TRIM54: variants seen among roughly 807,000 people sequenced by gnomAD.
TRIM54 encodes tripartite motif containing 54, also known as tripartite motif-containing protein 54.
Under a neutral mutation model 42.0 loss-of-function variants are expected in TRIM54, and 40 were observed. The ratio of observed to expected loss-of-function variants is 0.95; its 90% CI spans 0.74 to 1.24. The LOEUF (loss-of-function observed/expected upper bound fraction) is 1.24. Among genes scored for constraint, TRIM54 ranks in the 50% most tolerant of loss-of-function variants. The probability of loss-of-function intolerance (pLI) is 0.00; values close to 1 mark genes in which losing one functional copy is unlikely to be tolerated. For missense variants in TRIM54, 485 were observed against 480.3 expected (o/e 1.01, Z -0.09); for synonymous variants, 199 against 194.9 (o/e 1.02, Z -0.17).
intron 2 of TRIM54, 32 bp from the exon 3 acceptor site, chr2:27,299,213 A>T: frequency 6.2e-7 from 1 of 1,610,818 alleles, no homozygotes; most frequent in Non-Finnish European, 8.5e-7. Context: ...TTCATGCTTA[A>T]GGTCCACCTC....
intron 1 of TRIM54, among the ~76,000 whole-genome samples, chr2:27,284,373 C>T (rs927901277): frequency 6.6e-6 from 1 of 152,150 alleles, no homozygotes; most frequent in South Asian, 2.1e-4. Context: ...CACAATGTAC[C>T]CTGTGACCCA....
chr2:27,303,961 C>A (rs1240575436), intron 3 of TRIM54, among the ~76,000 whole-genome samples: 1 of 152,110 alleles, frequency 6.6e-6, no homozygotes, highest in East Asian at 1.9e-4. Flanking sequence ...GCCGGTAATC[C>A]CGACACTTTG....
chr2:27,297,665 G>A (rs1678900511), intron 1 of TRIM54, among the ~76,000 whole-genome samples: 1 of 152,164 alleles, frequency 6.6e-6, no homozygotes, highest in African/African-American at 2.4e-5. Flanking sequence ...CTTTACAGAG[G>A]TTGAATACCT....
intron 1 of TRIM54, among the ~76,000 whole-genome samples, chr2:27,292,207 G>T (rs1425884285): frequency 1.3e-5 from 2 of 152,230 alleles, no homozygotes; most frequent in East Asian, 3.8e-4. Flanking sequence ...CCTGAAGTCA[G>T]TTCTGGCTGT....
Position 27,305,593 on chromosome 2 carries a change from C to T in TRIM54, c.619C>T (p.Arg207Trp), listed in dbSNP as rs369592686. ...GCTCCCCATCTTTTAGGACAATAGC[C>T]GGAGGCAGAAGCAGTTGTTAAACCA... The part of the protein sequence containing the change: ...EVCQTIEDNS[R>W]RQKQLLNQRF... Residue 207 changes from arginine to tryptophan, a missense_variant, in exon 5 of 9, where the codon CGG becomes TGG. Physicochemically the swap from Arg to Trp is moderately radical, Grantham distance 101. Transcript: ENST00000380075. 34 of 1,612,742 alleles carry T rather than the reference C, an allele frequency of 2.1e-5. No homozygotes were observed. The highest frequency in any genetic ancestry group is 4.5e-5 in the East Asian group (2 of 44,860).
At chr2:27,291,252 G>A (rs1384839474) in intron 1 of TRIM54, among the ~76,000 whole-genome samples, 3 of 152,088 alleles carry the variant, frequency 2.0e-5, no homozygotes, top group East Asian at 3.9e-4. Flanking sequence ...CTACTCAGGA[G>A]GCTGAGGCTG....
chr2:27,282,677 A>G lies in TRIM54; in HGVS notation c.-55A>G. ...GCCATCTAAGCGAGGAAGGGTCTACAGGCAGTGAGTGAAGGCCAGGAGCAG... is the reference window on the plus strand; with the variant it reads ...GCCATCTAAGCGAGGAAGGGTCTACGGGCAGTGAGTGAAGGCCAGGAGCAG... On this transcript the variant is annotated 5_prime_UTR_variant, in exon 1 of 9. Transcript: ENST00000380075. 4 of 1,562,114 alleles carry G rather than the reference A, an allele frequency of 2.6e-6. No individual in the cohort carries two copies. Among genetic ancestry groups the G allele is most frequent in the Non-Finnish European group, 3.5e-6 (4 of 1,157,014 alleles).
chr2:27,284,312 C>G (rs969822530), intron 1 of TRIM54, among the ~76,000 whole-genome samples: 7 of 152,108 alleles, frequency 4.6e-5, no homozygotes, highest in African/African-American at 1.4e-4. Flanking sequence ...TTTTAAGTTC[C>G]TTGGGGCAGC....
chr2:27,289,435 G>A (rs1334450740), intron 1 of TRIM54, among the ~76,000 whole-genome samples: 1 of 152,086 alleles, frequency 6.6e-6, no homozygotes, highest in Non-Finnish European at 1.5e-5. Flanking sequence ...TCCTGCCTCA[G>A]CCTCCCAAGT....
chr2:27,304,988 G>C lies in TRIM54; in HGVS notation c.543G>C (p.Leu181=), dbSNP rs1351179556. The change falls in exon 4 of 9, where the codon CTG becomes CTC. Residue 181 remains leucine, a synonymous_variant. Transcript: ENST00000380075. The part of the protein sequence containing the change: ...KSELSDGIAM[L]VAGNDRVQAV... ...AGCTCAGCGATGGCATCGCGATGCT[G>C]GTGGCAGGCAATGACCGCGTGCAAG... The C allele has an allele frequency of 8.7e-6, 14 of 1,614,156 alleles. No homozygotes were observed. The highest frequency in any genetic ancestry group is 1.7e-5 in the Admixed American group (1 of 60,018).
In TRIM54 at chr2:27,306,263, A is replaced by G; in HGVS notation, c.917A>G (p.Tyr306Cys). ...CTGGCAGGGCGGCCGGAGCCAGGCT[A>G]TGAGAGCATGGAGCAATTCACCGTA... ...VELAGRPEPG[Y>C]ESMEQFTVRV... Residue 306 changes from tyrosine (Y) to cysteine (C), a missense_variant, in exon 7 of 9, where the codon TAT becomes TGT. Coordinates refer to ENST00000380075, the MANE Select transcript of TRIM54 (RefSeq NM_187841.3). This position sits in a 1 kb window ranked among gnomAD's most constrained non-coding sequence, Gnocchi z 6.1. The G allele has an allele frequency of 6.2e-7, 1 of 1,614,102 alleles. No individual in the cohort carries two copies. Among genetic ancestry groups the G allele is most frequent in the South Asian group, 1.1e-5 (1 of 91,086 alleles).
In TRIM54 at chr2:27,283,780, GCGCGCACACACACACACA is replaced by G. The variant is rs1678466971; in HGVS notation, c.168+883_168+900del. ...GGGGCAAAGGCACACACACACACACGCGCGCACACACACACACACACACACACACACACACACACACGG... is the reference window on the plus strand; with the variant it reads ...GGGGCAAAGGCACACACACACACACGCACACACACACACACACACACACGG... On this transcript the variant is annotated intron_variant, in intron 1 of 8. Coordinates refer to ENST00000380075, the MANE Select transcript of TRIM54 (RefSeq NM_187841.3). Among the ~76,000 whole-genome samples, 9 of 76,516 alleles carry G rather than the reference GCGCGCACACACACACACA, an allele frequency of 1.2e-4. No individual in the cohort carries two copies. The South Asian group carries it at 3.3e-3, about 28-fold the overall frequency. The allele number at this position is 76,516 out of a possible 152,430, so 50.2% of individuals were successfully genotyped here. A position where few individuals can be genotyped will look rare whatever the true frequency, so the allele number is the denominator to read the frequency against.
Position 27,301,225 on chromosome 2 carries a change from C to T in TRIM54, c.513+1809C>T, listed in dbSNP as rs1209039575. On this transcript the variant is annotated intron_variant, in intron 3 of 8. Transcript: ENST00000380075. ...CGCGATCTCAGCTCACTACAACCTC[C>T]GCCTCCCAGATTCAAGCGATTCTCC... Among the ~76,000 whole-genome samples the T allele has an allele frequency of 3.3e-5, 5 of 151,512 alleles. 1 individual carries two copies. The highest frequency in any genetic ancestry group is 1.2e-4 in the African/African-American group (5 of 41,222).
At chr2:27,299,486 T>C (rs773539117) in intron 3 of TRIM54, 70 bp downstream of exon 3, 5 of 1,568,580 alleles carry the variant, frequency 3.2e-6, no homozygotes, top group East Asian at 2.3e-5. Flanking sequence ...TGTCAGCCTC[T>C]TACTCCACTT....
chr2:27,283,763 G>GGC (rs1678454275), intron 1 of TRIM54, among the ~76,000 whole-genome samples: 1 of 103,838 alleles, frequency 9.6e-6, no homozygotes, highest in African/African-American at 3.7e-5. Context: ...GAGGGGCAAA[G>GGC]GCACACACAC....
chr2:27,288,833 C>T (rs970218571), intron 1 of TRIM54, among the ~76,000 whole-genome samples: 1 of 152,152 alleles, frequency 6.6e-6, no homozygotes, highest in Non-Finnish European at 1.5e-5. Context: ...ATGGAATTTC[C>T]TCTACACATC....
chr2:27,283,543 T>C (rs77424459), intron 1 of TRIM54, among the ~76,000 whole-genome samples: 2,925 of 152,068 alleles, frequency 0.019, 101 homozygotes, highest in African/African-American at 0.067. Flanking sequence ...GGCAAAGAAA[T>C]TTACTTCTCA....
intron 1 of TRIM54, among the ~76,000 whole-genome samples, chr2:27,285,001 T>A (rs1310697887): frequency 6.6e-6 from 1 of 152,168 alleles, no homozygotes; most frequent in Non-Finnish European, 1.5e-5. Flanking sequence ...TTGGAATGGC[T>A]TGGGGCAAAT....
In TRIM54 at chr2:27,306,154, C is replaced by A. The variant is rs773962896; in HGVS notation, c.866+52C>A. ...GGAGGGGGCTGCACTGCTCCACTGG[C>A]TGGGGTGGGGCTTGAGAGTGCTGGG... is the stretch of plus-strand genomic sequence containing the variant. On this transcript the variant is annotated intron_variant, in intron 6 of 8. Transcript: ENST00000380075. This position sits in a 1 kb window ranked among gnomAD's most constrained non-coding sequence, Gnocchi z 6.1. 6 of 1,613,980 alleles carry A rather than the reference C, an allele frequency of 3.7e-6. No individual in the cohort carries two copies. In the South Asian group the frequency reaches 6.6e-5, roughly 18 times the overall value.
Sources: allele counts gnomAD v4.1 joint callset (sites outside exome capture counted in the v4.1 genomes callset), GRCh38; gene constraint gnomAD v4.1.1; non-coding constraint Gnocchi (gnomAD v3.1); transcripts MANE v1.5; gene names NCBI Gene and HGNC (gene_info 2026-07-23, HGNC 2026-07-21).